ADAMTSL1: variants seen among roughly 807,000 people sequenced by gnomAD.
ADAMTSL1 encodes ADAMTS like 1.
In ADAMTSL1, 126 loss-of-function variants were observed where a neutral mutation model predicts 201.8. The observed-to-expected ratio is 0.62, with a 90% CI of 0.54 to 0.72. The LOEUF (loss-of-function observed/expected upper bound fraction) is 0.72. Among genes scored for constraint, ADAMTSL1 ranks in the 30% least tolerant of loss-of-function variants. The pLI is 0.00. For missense variants in ADAMTSL1, 2,679 were observed against 2,277.8 expected (o/e 1.18, Z -3.59); for synonymous variants, 1,121 against 903.4 (o/e 1.24, Z -4.32).
chr9:18,216,559 G>A (rs1250341345), intron 2 of ADAMTSL1, among the ~76,000 whole-genome samples: 1 of 151,840 alleles, frequency 6.6e-6, no homozygotes, highest in Non-Finnish European at 1.5e-5. Flanking sequence ...GACAGGTAAG[G>A]CCCTAAAGCC....
intron 7 of ADAMTSL1, among the ~76,000 whole-genome samples, chr9:18,646,691 T>C (rs1178588614): frequency 6.6e-6 from 1 of 151,886 alleles, no homozygotes; most frequent in African/African-American, 2.4e-5. Flanking sequence ...CTGGATTACA[T>C]TTATTGATTT....
chr9:18,402,601 T>G (rs1365188967), intron 2 of ADAMTSL1, among the ~76,000 whole-genome samples: 2 of 152,306 alleles, frequency 1.3e-5, no homozygotes, highest in East Asian at 3.9e-4. Context: ...CCCTATATCT[T>G]TCAGTCCTTT....
intron 2 of ADAMTSL1, among the ~76,000 whole-genome samples, chr9:18,270,456 T>A (rs994182720): frequency 6.6e-6 from 1 of 152,200 alleles, no homozygotes; most frequent in Non-Finnish European, 1.5e-5. Context: ...TATCCTTACC[T>A]AAATCCAAAA....
At chr9:18,117,325 C>G (rs1385696899) in intron 1 of ADAMTSL1, among the ~76,000 whole-genome samples, 1 of 152,128 alleles carries the variant, frequency 6.6e-6, no homozygotes, top group African/African-American at 2.4e-5. Context: ...CTGACATCAT[C>G]TGGCCCTCGT....
At chr9:18,041,629 G>T (rs551368902) in intron 1 of ADAMTSL1, among the ~76,000 whole-genome samples, 1 of 152,188 alleles carries the variant, frequency 6.6e-6, no homozygotes, top group South Asian at 2.1e-4. Context: ...ACTCTATGGA[G>T]CAAAAGGTTA....
chr9:18,148,313 TCA>T (rs1826746493), intron 1 of ADAMTSL1, among the ~76,000 whole-genome samples: 1 of 150,038 alleles, frequency 6.7e-6, no homozygotes, highest in Non-Finnish European at 1.5e-5. Flanking sequence ...TGTTTAACAT[TCA>T]GTCACCTACA....
At chr9:18,001,839 C>T (rs1374665072) in intron 1 of ADAMTSL1, among the ~76,000 whole-genome samples, 1 of 151,854 alleles carries the variant, frequency 6.6e-6, no homozygotes, top group East Asian at 1.9e-4. Context: ...TTAGTTTTGG[C>T]AGATAGGAAG....
intron 1 of ADAMTSL1, among the ~76,000 whole-genome samples, chr9:17,946,393 T>C (rs1588459606): frequency 6.6e-6 from 1 of 152,200 alleles, no homozygotes; most frequent in Non-Finnish European, 1.5e-5. Context: ...TATTTTTAGT[T>C]CCATATTTTT....
At chr9:18,437,538 G>C (rs913986364) in intron 2 of ADAMTSL1, among the ~76,000 whole-genome samples, 1 of 152,038 alleles carries the variant, frequency 6.6e-6, no homozygotes, top group Non-Finnish European at 1.5e-5. Flanking sequence ...GTTGTCTACT[G>C]ACCTGCCTTC....
chr9:18,033,755 A>T (rs1821075958), intron 1 of ADAMTSL1, among the ~76,000 whole-genome samples: 1 of 152,212 alleles, frequency 6.6e-6, no homozygotes, highest in African/African-American at 2.4e-5. Context: ...CTCATACTAT[A>T]ATCAGCATCT....
At chr9:18,208,160 C>T (rs1829731643) in intron 2 of ADAMTSL1, among the ~76,000 whole-genome samples, 1 of 151,984 alleles carries the variant, frequency 6.6e-6, no homozygotes. Flanking sequence ...AGTAGGTGCT[C>T]ACTAAGTGGC....
intron 1 of ADAMTSL1, among the ~76,000 whole-genome samples, chr9:18,034,358 A>T (rs1310854832): frequency 6.6e-6 from 1 of 152,020 alleles, no homozygotes; most frequent in African/African-American, 2.4e-5. Flanking sequence ...CAAACTCTCT[A>T]AAGCCACCCT....
chr9:18,390,903 A>C (rs2133221484), intron 2 of ADAMTSL1, among the ~76,000 whole-genome samples: 1 of 152,322 alleles, frequency 6.6e-6, no homozygotes. Flanking sequence ...GCCCTCCAAG[A>C]TAAACATGGT....
chr9:18,668,089 T>C (rs1829573214), intron 9 of ADAMTSL1, among the ~76,000 whole-genome samples: 2 of 148,462 alleles, frequency 1.3e-5, no homozygotes, highest in South Asian at 4.4e-4. Flanking sequence ...TAGCAATTAC[T>C]GTATAATGAA....
chr9:18,664,780 T>C (rs191135890), intron 9 of ADAMTSL1, among the ~76,000 whole-genome samples: 280 of 152,260 alleles, frequency 1.8e-3, no homozygotes, highest in Middle Eastern at 3.4e-3. Flanking sequence ...TTTATTACTT[T>C]ACCCTTCTGG....
chr9:18,732,667 T>C (rs1818280137), intron 15 of ADAMTSL1, among the ~76,000 whole-genome samples: 2 of 151,786 alleles, frequency 1.3e-5, no homozygotes, highest in Non-Finnish European at 1.5e-5. Context: ...TCTCCTCTAA[T>C]GTTTGTGGGA....
chr9:18,776,675 TC>T, intron 18 of ADAMTSL1, 105 bp from the exon 19 acceptor site: 1 of 1,272,962 alleles, frequency 7.9e-7, no homozygotes, highest in South Asian at 1.6e-5. Context: ...CCTTCTCTTC[TC>T]CACTCTGGCT....
At chr9:18,442,567 AT>A (rs1820037693) in intron 2 of ADAMTSL1, among the ~76,000 whole-genome samples, 1 of 152,220 alleles carries the variant, frequency 6.6e-6, no homozygotes, top group African/African-American at 2.4e-5. Context: ...TGGGTCCTCA[AT>A]TTAGTTGTAT....
chr9:18,583,725 C>T (rs1362879617), intron 4 of ADAMTSL1, among the ~76,000 whole-genome samples: 1 of 152,196 alleles, frequency 6.6e-6, no homozygotes, highest in African/African-American at 2.4e-5. Context: ...CTACCCAAGA[C>T]CGTGGGGACC....
Sources: allele counts gnomAD v4.1 joint callset (sites outside exome capture counted in the v4.1 genomes callset), GRCh38; gene constraint gnomAD v4.1.1; transcripts MANE v1.5; gene names NCBI Gene and HGNC (gene_info 2026-07-23, HGNC 2026-07-21).